GRTP1: variants seen among roughly 807,000 people sequenced by gnomAD.
The protein encoded by GRTP1 is growth hormone-regulated TBC protein 1.
In GRTP1, 56 loss-of-function variants were observed where a neutral mutation model predicts 38.1. The ratio of observed to expected loss-of-function variants is 1.47; its 90% CI spans 1.19 to 1.84. The LOEUF is 1.84. Ranked by LOEUF, GRTP1 falls within the 40% of genes most tolerant of loss-of-function variation. The pLI, the probability that GRTP1 is intolerant of heterozygous loss-of-function variation, is 0.00. For synonymous variants in GRTP1, 217 were observed against 189.5 expected (o/e 1.14, Z -1.19); for missense variants, 506 against 453.9 (o/e 1.11, Z -1.04).
intron 2 of GRTP1, among the ~76,000 whole-genome samples, chr13:113,362,717 C>G (rs1432874332): frequency 1.3e-5 from 2 of 152,200 alleles, no homozygotes; most frequent in Non-Finnish European, 2.9e-5. Flanking sequence ...GGTCACCACA[C>G]ACCTCCGACC....
rs915875102 is a variant in GRTP1 at position 113,349,896 on chromosome 13, C to A, written c.465+953G>T. On this transcript the variant is annotated intron_variant, in intron 4 of 7. Coordinates refer to ENST00000375431, the MANE Select transcript of GRTP1 (RefSeq NM_024719.4). This position sits in a 1 kb window ranked among gnomAD's most constrained non-coding sequence, Gnocchi z 5.0. ...ACTGCTAGGTTCGAACCACCCATCG[C>A]GACGATGTCCTTCCCTGTCCTCCTA... 7.2e-6 allele frequency among the ~76,000 whole-genome samples: 1 copy of A among 139,648 alleles called. No individual in the cohort carries two copies. Among genetic ancestry groups the A allele is most frequent in the African/African-American group, 2.7e-5 (1 of 37,014 alleles). The allele number at this position is 139,648 out of a possible 152,430, so 91.6% of individuals were successfully genotyped here.
At position 113,324,828 on chromosome 13, in the gene GRTP1, A is replaced by ACTT. The variant is rs926819141; in HGVS notation, c.922-254_922-252dup. The ACTT allele has an allele frequency of 1.1e-5, 13 of 1,187,820 alleles. No homozygotes were observed. In the South Asian group the frequency reaches 2.5e-4, roughly 23 times the overall value. The allele number at this position is 1,187,820 out of a possible 1,614,324, so 73.6% of individuals were successfully genotyped here. A position where few individuals can be genotyped will look rare whatever the true frequency, so the allele number is the denominator to read the frequency against. ...AGAAAAGGCCATCTGCTTCCATTAG[A>ACTT]CTTTTTTTTTTTTTTTGAGACAGAG... On this transcript the variant is annotated intron_variant, in intron 7 of 7. Coordinates refer to ENST00000375431, the MANE Select transcript of GRTP1 (RefSeq NM_024719.4).
chr13:113,333,846 T>TATTTA (rs1566418684), intron 5 of GRTP1, among the ~76,000 whole-genome samples: 13 of 104,244 alleles, frequency 1.2e-4, no homozygotes, highest in African/African-American at 4.5e-4. Flanking sequence ...TTAGTGTGTG[T>TATTTA]GTGTGTGTGT....
chr13:113,344,855 C>T lies in GRTP1; in HGVS notation c.562+8G>A, dbSNP rs1307778682. 1.3e-6 allele frequency: 2 copies of T among 1,588,196 alleles called. No homozygotes were observed. Among genetic ancestry groups the T allele is most frequent in the East Asian group, 2.3e-5 (1 of 43,644 alleles). Reference sequence around the variant, plus strand: ...AGTTCGGGCATACCGCAGGAATTTTCAACATACCTGGTAGTATTCTTCCAA... The same window carrying T: ...AGTTCGGGCATACCGCAGGAATTTTTAACATACCTGGTAGTATTCTTCCAA... On this transcript the variant is annotated splice_region_variant and intron_variant, in intron 5 of 7. Transcript: ENST00000375431.
chr13:113,329,627 G>A (rs2042828485), intron 5 of GRTP1, among the ~76,000 whole-genome samples: 1 of 152,208 alleles, frequency 6.6e-6, no homozygotes, highest in Admixed American at 6.5e-5. Context: ...TGCAAGATGT[G>A]TGGAAATTCC....
chr13:113,341,993 C>G (rs1342386096), intron 5 of GRTP1, among the ~76,000 whole-genome samples: 2 of 152,142 alleles, frequency 1.3e-5, no homozygotes, highest in East Asian at 2.0e-4. Context: ...TCTTCCCACA[C>G]TGGAGTGTAG....
Position 113,364,080 on chromosome 13 carries a change from G to A in GRTP1, c.-29C>T. The stretch of plus-strand genomic sequence containing the variant: ...GGGAGGGAGGCGCGCACCGAGCGAG[G>A]CCAGCGGGTCCCAAGTTCGCCTCCC... On this transcript the variant is annotated 5_prime_UTR_variant, in exon 1 of 8. Coordinates refer to ENST00000375431, the MANE Select transcript of GRTP1 (RefSeq NM_024719.4). 3 of 1,243,932 alleles carry A rather than the reference G, an allele frequency of 2.4e-6. No individual in the cohort carries two copies. The highest frequency in any genetic ancestry group is 3.0e-6 in the Non-Finnish European group (3 of 998,954). The allele number at this position is 1,243,932 out of a possible 1,614,324, so 77.1% of individuals were successfully genotyped here.
chr13:113,363,358 C>A (rs1022238571), intron 2 of GRTP1, among the ~76,000 whole-genome samples: 1 of 152,242 alleles, frequency 6.6e-6, no homozygotes, highest in Non-Finnish European at 1.5e-5. Flanking sequence ...CAGGCAGGAG[C>A]CACCACGCCC....
At chr13:113,333,308 A>G (rs7324472) in intron 5 of GRTP1, among the ~76,000 whole-genome samples, 150,019 of 152,284 alleles carry the variant, frequency 0.99, 73,935 homozygotes, top group Middle Eastern at 1. Flanking sequence ...GTGCCCATGC[A>G]CATGGCGAAC....
intron 3 of GRTP1, among the ~76,000 whole-genome samples, chr13:113,352,380 A>ATATATATTTTATATATATATATATTTC (rs2043303781): frequency 7.5e-6 from 1 of 133,444 alleles, no homozygotes; most frequent in Non-Finnish European, 1.5e-5. Context: ...ATATATATTT[A>ATATATATTTTATATATATATATATTTC]TATATATATT....
At position 113,342,026 on chromosome 13, in the gene GRTP1, ACCTCAGCCTCCCTCAAGCTGATTCTTGTG is replaced by A. The variant is rs2043033134; in HGVS notation, c.562+2808_562+2836del. Reference sequence around the variant, plus strand: ...TAGTGGTGTGATCTAGCTCACTGCAACCTCAGCCTCCCTCAAGCTGATTCTTGTGCCTCAGCCTCCTAAGTAGCTGGGAT... The same window carrying A: ...TAGTGGTGTGATCTAGCTCACTGCAACCTCAGCCTCCTAAGTAGCTGGGAT... On this transcript the variant is annotated intron_variant, in intron 5 of 7. Transcript: ENST00000375431. This position sits in a 1 kb window ranked among gnomAD's most constrained non-coding sequence, Gnocchi z 4.5. Among the ~76,000 whole-genome samples, 2 of 151,712 alleles carry A rather than the reference ACCTCAGCCTCCCTCAAGCTGATTCTTGTG, an allele frequency of 1.3e-5. No homozygotes were observed. Among genetic ancestry groups the A allele is most frequent in the African/African-American group, 2.4e-5 (1 of 41,296 alleles).
At chr13:113,361,157 A>C (rs1327927774) in intron 2 of GRTP1, among the ~76,000 whole-genome samples, 1 of 149,512 alleles carries the variant, frequency 6.7e-6, no homozygotes, top group African/African-American at 2.5e-5. Context: ...GAAAGTTGTT[A>C]CTTCAATAAA....
chr13:113,362,285 G>C (rs1232854851), intron 2 of GRTP1, among the ~76,000 whole-genome samples: 1 of 150,254 alleles, frequency 6.7e-6, no homozygotes, highest in African/African-American at 2.5e-5. Context: ...AGCTGAGATC[G>C]CACCACTGCA....
intron 3 of GRTP1, 86 bp from the exon 4 acceptor site, chr13:113,351,059 G>A (rs2043257191): frequency 1.9e-6 from 3 of 1,568,238 alleles, no homozygotes; most frequent in Admixed American, 3.4e-5. Flanking sequence ...TGGCCACCTG[G>A]GTTCCACTTG....
chr13:113,356,428 T>C (rs2043387694), intron 2 of GRTP1, among the ~76,000 whole-genome samples: 1 of 152,080 alleles, frequency 6.6e-6, no homozygotes, highest in African/African-American at 2.4e-5. Flanking sequence ...CCAACATGCC[T>C]GGCTAATTTT....
At chr13:113,359,745 G>A (rs970325718) in intron 2 of GRTP1, 4 of 152,128 alleles carry the variant, frequency 2.6e-5, no homozygotes, top group African/African-American at 4.8e-5. Flanking sequence ...TGCACCCAAG[G>A]CCCCCGAGCA....
At chr13:113,347,588 C>A (rs1181423947) in intron 4 of GRTP1, among the ~76,000 whole-genome samples, 13 of 77,372 alleles carry the variant, frequency 1.7e-4, no homozygotes, top group Non-Finnish European at 2.6e-4. Flanking sequence ...ACCTCTGTGG[C>A]TGAGAACAGA....
intron 5 of GRTP1, among the ~76,000 whole-genome samples, chr13:113,333,838 A>ATTTAATTTATTTATTTAGT (rs749095615): frequency 6.4e-4 from 15 of 23,600 alleles, no homozygotes; most frequent in African/African-American, 1.0e-3. Context: ...TTATTTATTT[A>ATTTAATTTATTTATTTAGT]GTGTGTGTGT....
chr13:113,336,448 GGA>G (rs2042956432), intron 5 of GRTP1, among the ~76,000 whole-genome samples: 1 of 152,150 alleles, frequency 6.6e-6, no homozygotes, highest in Non-Finnish European at 1.5e-5. Context: ...CCGAGCACTA[GGA>G]AAGGCCAACT....
Sources: gnomAD v4.1 joint callset for allele counts (sites outside exome capture counted in the v4.1 genomes callset) on GRCh38, gnomAD v4.1.1 for gene constraint, Gnocchi (gnomAD v3.1) non-coding constraint, MANE v1.5 for transcripts, NCBI Gene and HGNC (gene_info 2026-07-23, HGNC 2026-07-21) for gene names.